Variants in SLC35D2 observed in about 807,000 individuals in gnomAD.
SLC35D2 encodes the protein solute carrier family 35 member D2, also known as nucleotide sugar transporter SLC35D2.
A neutral mutation model predicts 41.8 loss-of-function variants in SLC35D2; 43 were observed. That is an observed-to-expected ratio of 1.03 (90% CI 0.81 to 1.33). The LOEUF (loss-of-function observed/expected upper bound fraction) is 1.33. Among genes scored for constraint, SLC35D2 ranks in the 40% most tolerant of loss-of-function variants. The pLI, the probability that SLC35D2 is intolerant of heterozygous loss-of-function variation, is 0.00. For synonymous variants in SLC35D2, 150 were observed against 163.9 expected (o/e 0.92, Z 0.65); for missense variants, 380 against 408.4 (o/e 0.93, Z 0.60).
downstream of SLC35D2, among the ~76,000 whole-genome samples, chr9:96,316,823 G>T (rs891267210): frequency 4.7e-5 from 5 of 106,424 alleles, no homozygotes; most frequent in African/African-American, 2.0e-4. Context: ...CAATGCTTGA[G>T]ATATACTTTA....
chr9:96,365,706 T>C (rs1830447948), intron 2 of SLC35D2, among the ~76,000 whole-genome samples: 1 of 152,218 alleles, frequency 6.6e-6, no homozygotes, highest in Non-Finnish European at 1.5e-5. Flanking sequence ...TCAATCTAGC[T>C]GGTATAGCAA....
intron 3 of SLC35D2, 148 bp from the exon 4 acceptor site, chr9:96,360,369 G>A (rs986632730): frequency 3.7e-5 from 24 of 657,130 alleles, no homozygotes; most frequent in Middle Eastern, 4.2e-4. Context: ...AGTGGCTCAC[G>A]CCTGTAATCC....
At chr9:96,319,506 A>T (rs529387777), downstream of SLC35D2, among the ~76,000 whole-genome samples, 43 of 31,046 alleles carry the variant, frequency 1.4e-3, 1 homozygote, top group African/African-American at 6.7e-3. Context: ...ACCACAATTT[A>T]AAAAAAAAGT....
At chr9:96,360,294 G>A in intron 3 of SLC35D2, 73 bp from the exon 4 acceptor site, 1 of 1,174,716 alleles carries the variant, frequency 8.5e-7, no homozygotes, top group Non-Finnish European at 1.2e-6. Context: ...TATAAAAATG[G>A]TGACAGATAC....
intron 9 of SLC35D2, among the ~76,000 whole-genome samples, chr9:96,330,653 AT>A (rs1828765196): frequency 6.6e-6 from 1 of 152,296 alleles, no homozygotes; most frequent in South Asian, 2.1e-4. Context: ...GGGTTATGGC[AT>A]TCAGGATAGT....
At chr9:96,343,370 G>A (rs1829427631) in intron 8 of SLC35D2, among the ~76,000 whole-genome samples, 2 of 152,218 alleles carry the variant, frequency 1.3e-5, no homozygotes, top group African/African-American at 4.8e-5. Context: ...ATGGCGTGAT[G>A]GCTGGGATAG....
intron 1 of SLC35D2, among the ~76,000 whole-genome samples, chr9:96,379,488 T>C (rs143404735): frequency 6.6e-6 from 1 of 152,234 alleles, no homozygotes; most frequent in African/African-American, 2.4e-5. Context: ...ACCCATTCAT[T>C]TGGTACCCTG....
In SLC35D2 at chr9:96,324,096, T is replaced by C; in HGVS notation, c.826A>G (p.Ile276Val). ...CCAAGTTTCCATCCACTCACCTTGATGGCTCCAACCACTGCTGTCGTCAGG... is the reference window on the plus strand; with the variant it reads ...CCAAGTTTCCATCCACTCACCTTGACGGCTCCAACCACTGCTGTCGTCAGG... ...SALTTAVVGAIKNVSVAYIGI... is the reference protein window; with the variant it reads ...SALTTAVVGAVKNVSVAYIGI... The change falls in exon 10 of 12, where the codon ATC becomes GTC. Residue 276 changes from isoleucine to valine, a missense_variant. By Grantham distance (29) the Ile-to-Val change is conservative (BLOSUM62 3). Coordinates refer to ENST00000253270, the MANE Select transcript of SLC35D2 (RefSeq NM_007001.3). The C allele has an allele frequency of 1.9e-6, 3 of 1,613,724 alleles. No individual in the cohort carries two copies. In the African/African-American group the frequency reaches 4.0e-5, roughly 22 times the overall value.
intron 1 of SLC35D2, among the ~76,000 whole-genome samples, chr9:96,373,810 C>T (rs565173811): frequency 1.5e-4 from 23 of 152,124 alleles, no homozygotes; most frequent in Non-Finnish European, 1.6e-4. Flanking sequence ...AAGCTCTCTA[C>T]GTTAATTTTC....
chr9:96,378,090 A>C (rs561554084), intron 1 of SLC35D2, among the ~76,000 whole-genome samples: 2 of 133,052 alleles, frequency 1.5e-5, no homozygotes, highest in South Asian at 4.4e-4. Flanking sequence ...AGTACCTTTT[A>C]TTAAAAAAAA....
intron 4 of SLC35D2, among the ~76,000 whole-genome samples, chr9:96,352,912 C>G (rs1829865931): frequency 6.6e-6 from 1 of 152,006 alleles, no homozygotes; most frequent in Admixed American, 6.5e-5. Context: ...GTGATGTGAA[C>G]CTGCAGTCCC....
intron 2 of SLC35D2, among the ~76,000 whole-genome samples, chr9:96,366,298 G>GAA (rs369811519): frequency 1.3e-4 from 9 of 70,454 alleles, no homozygotes; most frequent in East Asian, 4.2e-4. Flanking sequence ...CCAGACACTG[G>GAA]AAAAAAAAAA....
intron 9 of SLC35D2, among the ~76,000 whole-genome samples, chr9:96,331,480 T>G (rs1470413450): frequency 6.6e-6 from 1 of 152,110 alleles, no homozygotes; most frequent in Admixed American, 6.5e-5. Context: ...ACTCACTTCC[T>G]GACATACCCT....
In SLC35D2 at chr9:96,345,332, A is replaced by G. The variant is rs1179949246; in HGVS notation, c.558T>C (p.Asn186=). Residue 186 remains asparagine, a synonymous_variant, in exon 7 of 12, where the codon AAT becomes AAC. Transcript: ENST00000253270. ...CCATTTTCTGTTTGGTATAAACTCC[A>G]TTTGCTGCTGTGAAGATATCATTCA... ...VFLNDIFTAA[N]GVYTKQKMDP... 6.2e-7 allele frequency: 1 copy of G among 1,611,836 alleles called. No homozygotes were observed. Among genetic ancestry groups the G allele is most frequent in the African/African-American group, 1.3e-5 (1 of 74,938 alleles).
chr9:96,316,170 T>C (rs1828047870), downstream of SLC35D2, among the ~76,000 whole-genome samples: 1 of 152,122 alleles, frequency 6.6e-6, no homozygotes, highest in Non-Finnish European at 1.5e-5. Context: ...CACTAAATCT[T>C]GTCCATGAAC....
chr9:96,325,763 G>C, intron 9 of SLC35D2, among the ~76,000 whole-genome samples: 1 of 152,174 alleles, frequency 6.6e-6, no homozygotes, highest in East Asian at 1.9e-4. Context: ...TAGCAAAGGG[G>C]TTAGTGCACC....
chr9:96,365,032 CACT>C, intron 2 of SLC35D2, among the ~76,000 whole-genome samples: 1 of 140,836 alleles, frequency 7.1e-6, no homozygotes, highest in East Asian at 2.1e-4. Flanking sequence ...AGTGAGACAC[CACT>C]GTCTCAAAAA....
chr9:96,360,203 G>A lies in SLC35D2; in HGVS notation c.298C>T (p.Leu100Phe), dbSNP rs899918058. 6.2e-7 allele frequency: 1 copy of A among 1,612,216 alleles called. No individual in the cohort carries two copies. Among genetic ancestry groups the A allele is most frequent in the South Asian group, 1.1e-5 (1 of 90,940 alleles). Residue 100 changes from leucine (L) to phenylalanine (F), a missense_variant, in exon 4 of 12, where the codon CTC becomes TTC. Coordinates refer to ENST00000253270, the MANE Select transcript of SLC35D2 (RefSeq NM_007001.3). ...CCACTTATGTGGTTTCCAACGTAGAGGAGAGGCAGAGGAAACAGCTTCCAT... is the reference window on the plus strand; with the variant it reads ...CCACTTATGTGGTTTCCAACGTAGAAGAGAGGCAGAGGAAACAGCTTCCAT... ...IPVKLFPLPL[L>F]YVGNHISGLS...
At chr9:96,325,913 T>C (rs192567037) in intron 9 of SLC35D2, among the ~76,000 whole-genome samples, 11 of 152,328 alleles carry the variant, frequency 7.2e-5, no homozygotes. Context: ...GGCCTGAGTG[T>C]GTTTATTACT....
Sources: gnomAD v4.1 joint callset for allele counts (sites outside exome capture counted in the v4.1 genomes callset) on GRCh38, gnomAD v4.1.1 for gene constraint, MANE v1.5 for transcripts, NCBI Gene and HGNC (gene_info 2026-07-23, HGNC 2026-07-21) for gene names.